PIANP: variants seen among roughly 807,000 people sequenced by gnomAD.
PIANP encodes PILR alpha associated neural protein, also known as PILR alpha-associated neural protein.
PIANP carries 14 observed loss-of-function variants against 28.9 expected under a neutral mutation model. The ratio of observed to expected loss-of-function variants is 0.49; its 90% CI spans 0.32 to 0.76. The LOEUF (loss-of-function observed/expected upper bound fraction) is 0.76. Ranked by LOEUF, PIANP falls within the 30% of genes least tolerant of loss-of-function variation. The probability of loss-of-function intolerance (pLI) is 0.03; values close to 1 mark genes in which losing one functional copy is unlikely to be tolerated. For synonymous variants in PIANP, 149 were observed against 156.6 expected (o/e 0.95, Z 0.36); for missense variants, 322 against 371.8 (o/e 0.87, Z 1.10).
chr12:6,693,271 C>T (rs895218244), downstream of PIANP, among the ~76,000 whole-genome samples: 1 of 151,954 alleles, frequency 6.6e-6, no homozygotes, highest in Admixed American at 6.6e-5. Context: ...ACGAGTTAAC[C>T]ACAGGGCTTC....
At chr12:6,692,734 C>T (rs756861760), downstream of PIANP, among the ~76,000 whole-genome samples, 4 of 152,146 alleles carry the variant, frequency 2.6e-5, no homozygotes, top group Non-Finnish European at 4.4e-5. Context: ...GGGAGTGTGA[C>T]GCCCTGAATG....
chr12:6,692,304 G>T (rs1287657259), downstream of PIANP, among the ~76,000 whole-genome samples: 2 of 152,226 alleles, frequency 1.3e-5, no homozygotes, highest in Non-Finnish European at 1.5e-5. Flanking sequence ...GCATATGGAT[G>T]AGCCACGGGT....
chr12:6,693,615 G>A (rs1242911003), downstream of PIANP, among the ~76,000 whole-genome samples: 1 of 152,094 alleles, frequency 6.6e-6, no homozygotes, highest in Non-Finnish European at 1.5e-5. Flanking sequence ...TCGTCAGGAT[G>A]GCTCCCTTCC....
chr12:6,699,014 C>T (rs1274204374), intron 1 of PIANP, among the ~76,000 whole-genome samples: 2 of 152,116 alleles, frequency 1.3e-5, no homozygotes, highest in African/African-American at 4.8e-5. Flanking sequence ...GAAGCCAAGG[C>T]GGGTGGATCA....
chr12:6,698,944 G>A (rs567357226), intron 1 of PIANP, among the ~76,000 whole-genome samples: 1 of 152,266 alleles, frequency 6.6e-6, no homozygotes, highest in East Asian at 1.9e-4. Flanking sequence ...TGGATTCTGG[G>A]TCTAAATCTG....
At position 6,695,787 on chromosome 12, in the gene PIANP, T is replaced by G. The variant is rs1184157510; in HGVS notation, c.606-136A>C. On this transcript the variant is annotated intron_variant, in intron 4 of 4. Transcript: ENST00000534837. This position sits in a 1 kb window ranked among gnomAD's most constrained non-coding sequence, Gnocchi z 4.2. ...CAGAGAAACTGGCCTTTAACAGTTCTCTCTACTAAATCCCCTGGGACTCTG... is the reference window on the plus strand; with the variant it reads ...CAGAGAAACTGGCCTTTAACAGTTCGCTCTACTAAATCCCCTGGGACTCTG... 4.8e-6 allele frequency: 5 copies of G among 1,043,576 alleles called. No individual in the cohort carries two copies. Among genetic ancestry groups the G allele is most frequent in the Non-Finnish European group, 6.2e-6 (5 of 801,280 alleles). The allele number at this position is 1,043,576 out of a possible 1,614,324, so 64.6% of individuals were successfully genotyped here.
rs1485032535 is a variant in PIANP at position 6,697,351 on chromosome 12, A to G, written c.459T>C (p.Asp153=). The G allele has an allele frequency of 7.4e-6, 12 of 1,613,886 alleles. No homozygotes were observed. Among genetic ancestry groups the G allele is most frequent in the African/African-American group, 2.7e-5 (2 of 74,926 alleles). Residue 153 remains aspartate, a synonymous_variant, in exon 3 of 5, where the codon GAT becomes GAC. Transcript: ENST00000534837. This position sits in a 1 kb window ranked among gnomAD's most constrained non-coding sequence, Gnocchi z 6.9. ...PNSDSMRGDG[D]GLILGEAPAT... is the part of the protein sequence containing the mutation. Reference sequence around the variant, plus strand: ...CAGGTGCCTCTCCAAGGATAAGCCCATCTCCATCACCTCGCATGGAGTCTG... The same window carrying G: ...CAGGTGCCTCTCCAAGGATAAGCCCGTCTCCATCACCTCGCATGGAGTCTG...
In PIANP at chr12:6,697,543, G is replaced by T. The variant is rs1388746013; in HGVS notation, c.267C>A (p.Thr89=). ...GCGGCCCCTCCTCAAAGCCTGATGG[G>T]GTGGCTGGGGGTGCAGTGCCAGGCA... ...QVLPGTAPPA[T]PSGFEEGPPS... The change falls in exon 3 of 5, where the codon ACC becomes ACA. Residue 89 remains threonine, a synonymous_variant. Transcript: ENST00000534837. This position sits in a 1 kb window ranked among gnomAD's most constrained non-coding sequence, Gnocchi z 6.9. 6.2e-7 allele frequency: 1 copy of T among 1,607,468 alleles called. No individual in the cohort carries two copies. Among genetic ancestry groups the T allele is most frequent in the South Asian group, 1.1e-5 (1 of 90,058 alleles).
chr12:6,695,364 C>A lies in PIANP; in HGVS notation c.*62G>T. ...ACTACCCATCCAGAGGGCACCCCCA[C>A]CCCAGCTCTGAAGACCTAAGTTGCC... On this transcript the variant is annotated 3_prime_UTR_variant, in exon 5 of 5. Transcript: ENST00000534837. This position sits in a 1 kb window ranked among gnomAD's most constrained non-coding sequence, Gnocchi z 4.2. 2 of 1,412,722 alleles carry A rather than the reference C, an allele frequency of 1.4e-6. No individual in the cohort carries two copies. Among genetic ancestry groups the A allele is most frequent in the Non-Finnish European group, 1.9e-6 (2 of 1,079,362 alleles). The allele number at this position is 1,412,722 out of a possible 1,614,324, so 87.5% of individuals were successfully genotyped here. A position where few individuals can be genotyped will look rare whatever the true frequency, so the allele number is the denominator to read the frequency against.
In PIANP at chr12:6,696,528, A is replaced by T. The variant is rs1182608614; in HGVS notation, c.524-4T>A. On this transcript the variant is annotated splice_polypyrimidine_tract_variant and splice_region_variant and intron_variant, in intron 3 of 4. Coordinates refer to ENST00000534837, the MANE Select transcript of PIANP (RefSeq NM_001244014.2). This position sits in a 1 kb window ranked among gnomAD's most constrained non-coding sequence, Gnocchi z 4.0. ...ACATAGAGCTGGGGGTCCACACCTG[A>T]TTGGGGTGGGAAGAAAGTTTTAGGG... The T allele has an allele frequency of 7.6e-6, 12 of 1,582,056 alleles. No individual in the cohort carries two copies. The South Asian group carries it at 1.4e-4, about 19-fold the overall frequency.
chr12:6,699,317 C>A (rs534502159), intron 1 of PIANP, among the ~76,000 whole-genome samples: 3 of 152,108 alleles, frequency 2.0e-5, no homozygotes, highest in Admixed American at 2.0e-4. Flanking sequence ...GGGAAAGTCA[C>A]GGGAAGGGCG....
chr12:6,692,485 C>T (rs1959724487), downstream of PIANP, among the ~76,000 whole-genome samples: 1 of 152,158 alleles, frequency 6.6e-6, no homozygotes, highest in Admixed American at 6.5e-5. Flanking sequence ...AGCTTCCTAT[C>T]CCACCCTCCT....
intron 1 of PIANP, among the ~76,000 whole-genome samples, chr12:6,698,713 G>A (rs1023390886): frequency 1.3e-5 from 2 of 152,208 alleles, no homozygotes; most frequent in African/African-American, 4.8e-5. Context: ...TATAATTTTT[G>A]CTCTTAATGT....
At position 6,695,432 on chromosome 12, in the gene PIANP, G is replaced by A; in HGVS notation, c.825C>T (p.Asn275=). The change falls in exon 5 of 5, where the codon AAC becomes AAT. Residue 275 remains asparagine (N), a synonymous_variant. Transcript: ENST00000534837. The surrounding 1 kb of genome is among the most constrained non-coding windows in gnomAD (Gnocchi z 4.2). The stretch of plus-strand genomic sequence containing the variant: ...CATCCCATTGCCCCTGCCCTCACCG[G>A]TTCAACTGGAAGGCTGGAGCCCCCT... ...HPKGAPAFQL[N]R is the part of the protein sequence containing the mutation. 1 of 1,491,918 alleles carries A rather than the reference G, an allele frequency of 6.7e-7. No individual in the cohort carries two copies. The allele number at this position is 1,491,918 out of a possible 1,614,324, so 92.4% of individuals were successfully genotyped here. A position where few individuals can be genotyped will look rare whatever the true frequency, so the allele number is the denominator to read the frequency against.
At position 6,697,819 on chromosome 12, in the gene PIANP, A is replaced by C. The variant is rs1959927245; in HGVS notation, c.18-27T>G. On this transcript the variant is annotated intron_variant, in intron 2 of 4. Coordinates refer to ENST00000534837, the MANE Select transcript of PIANP (RefSeq NM_001244014.2). The surrounding 1 kb of genome is among the most constrained non-coding windows in gnomAD (Gnocchi z 6.9). ...TGCAAGAAGGGAGAGAGCGTGGCTG[A>C]GACACAGGCCTACTGTGGGCCTATG... is the stretch of plus-strand genomic sequence containing the variant. 1 of 1,510,246 alleles carries C rather than the reference A, an allele frequency of 6.6e-7. No homozygotes were observed. The allele number at this position is 1,510,246 out of a possible 1,614,324, so 93.6% of individuals were successfully genotyped here.
At position 6,694,875 on chromosome 12, in the gene PIANP, G is replaced by C; in HGVS notation, c.*551C>G. On this transcript the variant is annotated 3_prime_UTR_variant, in exon 5 of 5. Transcript: ENST00000534837. This position sits in a 1 kb window ranked among gnomAD's most constrained non-coding sequence, Gnocchi z 6.1. ...CCACCTGCAGGAGGGCGAGCAGATA[G>C]GATTGCCCGTGGGGCTGGGGAGTGT... 1 of 862,360 alleles carries C rather than the reference G, an allele frequency of 1.2e-6. No individual in the cohort carries two copies. Among genetic ancestry groups the C allele is most frequent in the Non-Finnish European group, 1.7e-6 (1 of 587,366 alleles). The allele number at this position is 862,360 out of a possible 1,614,324, so 53.4% of individuals were successfully genotyped here. A position where few individuals can be genotyped will look rare whatever the true frequency, so the allele number is the denominator to read the frequency against.
Position 6,695,263 on chromosome 12 carries a change from G to T in PIANP, c.*163C>A. On this transcript the variant is annotated 3_prime_UTR_variant, in exon 5 of 5. Transcript: ENST00000534837. The surrounding 1 kb of genome is among the most constrained non-coding windows in gnomAD (Gnocchi z 4.2). Reference sequence around the variant, plus strand: ...GATCCTGAGAGACTGGGAGAAGGAAGGGTGCCTCCCAGAGAGGAGCTGGTC... The same window carrying T: ...GATCCTGAGAGACTGGGAGAAGGAATGGTGCCTCCCAGAGAGGAGCTGGTC... 1 of 1,400,754 alleles carries T rather than the reference G, an allele frequency of 7.1e-7. No homozygotes were observed. Among genetic ancestry groups the T allele is most frequent in the Non-Finnish European group, 9.3e-7 (1 of 1,070,936 alleles). The allele number at this position is 1,400,754 out of a possible 1,614,324, so 86.8% of individuals were successfully genotyped here.
Position 6,698,121 on chromosome 12 carries a change from G to A in PIANP, c.-43-17C>T. ...CAGCCTTTACTGGGAGAAAAAGGGG[G>A]CCGTCACACCCCAGCCCTGCCCTGT... On this transcript the variant is annotated splice_polypyrimidine_tract_variant and intron_variant, in intron 1 of 4. Coordinates refer to ENST00000534837, the MANE Select transcript of PIANP (RefSeq NM_001244014.2). 1 of 1,531,334 alleles carries A rather than the reference G, an allele frequency of 6.5e-7. No homozygotes were observed. The highest frequency in any genetic ancestry group is 1.2e-5 in the South Asian group (1 of 83,812). 94.9% of individuals were successfully genotyped at this position (1,531,334 alleles called of 1,614,324 possible). A position where few individuals can be genotyped will look rare whatever the true frequency, so the allele number is the denominator to read the frequency against.
chr12:6,700,567 G>C lies in PIANP; in HGVS notation c.-44+47C>G, dbSNP rs962247902. The stretch of plus-strand genomic sequence containing the variant: ...GCAGGGCGCGGAGCCGGGAAGGGCA[G>C]GGCCGGGCTCCCCGCGGGTGGGGGC... On this transcript the variant is annotated intron_variant, in intron 1 of 4. Coordinates refer to ENST00000534837, the MANE Select transcript of PIANP (RefSeq NM_001244014.2). The surrounding 1 kb of genome is among the most constrained non-coding windows in gnomAD (Gnocchi z 5.5). 2.6e-5 allele frequency: 4 copies of C among 152,976 alleles called. No homozygotes were observed. Among genetic ancestry groups the C allele is most frequent in the African/African-American group, 4.8e-5 (2 of 41,574 alleles). 9.5% of individuals were successfully genotyped at this position (152,976 alleles called of 1,614,324 possible).
Sources: gnomAD v4.1 joint callset for allele counts (sites outside exome capture counted in the v4.1 genomes callset) on GRCh38, gnomAD v4.1.1 for gene constraint, Gnocchi (gnomAD v3.1) non-coding constraint, MANE v1.5 for transcripts, NCBI Gene and HGNC (gene_info 2026-07-23, HGNC 2026-07-21) for gene names.